The following USP39 variants were observed in gnomAD, a reference collection of about 807,000 sequenced individuals.
USP39 encodes the protein ubiquitin specific peptidase 39, also known as ubiquitin carboxyl-terminal hydrolase 39.
Under a neutral mutation model 66.4 loss-of-function variants are expected in USP39, and 38 were observed. The ratio of observed to expected loss-of-function variants is 0.57; its 90% CI spans 0.44 to 0.75. The LOEUF (loss-of-function observed/expected upper bound fraction) is 0.75. Ranked by LOEUF, USP39 falls within the 30% of genes least tolerant of loss-of-function variation. The pLI is 0.00. For missense variants in USP39, 608 were observed against 714.4 expected, an observed-to-expected ratio of 0.85 and a Z score of 1.70; for synonymous variants, 303 against 274.6, an observed-to-expected ratio of 1.10 and a Z score of -1.02.
intron 6 of USP39, among the ~76,000 whole-genome samples, chr2:85,634,927 C>G (rs1293295710): frequency 6.6e-6 from 1 of 152,130 alleles, no homozygotes; most frequent in Admixed American, 6.6e-5. Flanking sequence ...GCAGAAAAAC[C>G]AGGGTACCCT....
At chr2:85,624,563 T>G (rs1674706962) in intron 4 of USP39, among the ~76,000 whole-genome samples, 2 of 152,220 alleles carry the variant, frequency 1.3e-5, no homozygotes, top group Non-Finnish European at 2.9e-5. Context: ...CCTAAGTTGT[T>G]CATGCTCTGT....
chr2:85,643,493 C>CA (rs1365636402), intron 10 of USP39, among the ~76,000 whole-genome samples: 115 of 128,916 alleles, frequency 8.9e-4, no homozygotes, highest in Admixed American at 1.9e-3. Context: ...GACTCTGTCT[C>CA]AAAAAAAAAA....
chr2:85,611,944 T>G, upstream of USP39: 1 of 1,581,646 alleles, frequency 6.3e-7, no homozygotes, highest in Non-Finnish European at 8.5e-7. Flanking sequence ...CCCCCCAGGC[T>G]TGCAGCAGTG....
intron 10 of USP39, among the ~76,000 whole-genome samples, chr2:85,642,695 G>A (rs142076947): frequency 6.4e-4 from 98 of 152,240 alleles, no homozygotes; most frequent in Middle Eastern, 3.4e-3. Context: ...TAATTACTTC[G>A]AGTAATACAA....
chr2:85,621,631 T>C, intron 3 of USP39, 52 bp downstream of exon 3: 1 of 1,457,162 alleles, frequency 6.9e-7, no homozygotes, highest in South Asian at 1.2e-5. Flanking sequence ...GGACTTTTTT[T>C]TTTTTTTTAA....
chr2:85,627,133 G>A (rs1313587565), intron 5 of USP39, among the ~76,000 whole-genome samples: 1 of 151,692 alleles, frequency 6.6e-6, no homozygotes, highest in Non-Finnish European at 1.5e-5. Flanking sequence ...GAGGGAGTCT[G>A]TCACCCAGGC....
intron 4 of USP39, 100 bp downstream of exon 4, chr2:85,623,882 C>A: frequency 7.5e-7 from 1 of 1,338,176 alleles, no homozygotes; most frequent in South Asian, 1.5e-5. Context: ...GAATCTCAGT[C>A]CCTTTAGGCA....
chr2:85,612,227 G>A, upstream of USP39: 1 of 1,274,242 alleles, frequency 7.8e-7, no homozygotes, highest in Non-Finnish European at 1.1e-6. Context: ...GTTTTTTTTT[G>A]TTTGTTTTTT....
At chr2:85,622,151 C>G (rs532526777) in intron 3 of USP39, among the ~76,000 whole-genome samples, 8 of 143,806 alleles carry the variant, frequency 5.6e-5, no homozygotes, top group African/African-American at 2.1e-4. Context: ...GATGGAGTCT[C>G]ACTCTGTCAC....
chr2:85,603,595 CTTT>C (rs767019412), intron 1 of USP39, among the ~76,000 whole-genome samples: 3 of 143,076 alleles, frequency 2.1e-5, no homozygotes, highest in Non-Finnish European at 1.5e-5. Flanking sequence ...TTTTCTTTTT[CTTT>C]TTTTTTTTTT....
chr2:85,618,765 T>A (rs1184902039), intron 1 of USP39, among the ~76,000 whole-genome samples: 1 of 152,036 alleles, frequency 6.6e-6, no homozygotes. Flanking sequence ...ATTAGTGGGC[T>A]TTTTTCTTTT....
At chr2:85,609,921 T>G (rs951245129), upstream of USP39, among the ~76,000 whole-genome samples, 1 of 151,928 alleles carries the variant, frequency 6.6e-6, no homozygotes, top group Non-Finnish European at 1.5e-5. Context: ...CCTCAGGTGA[T>G]CCACCCACCT....
upstream of USP39, chr2:85,611,223 T>G: frequency 7.8e-7 from 1 of 1,279,746 alleles, no homozygotes; most frequent in Non-Finnish European, 9.9e-7. Context: ...ATAAAAACAT[T>G]TTAAAAAAAG....
At chr2:85,643,005 G>A (rs1488162553) in intron 10 of USP39, among the ~76,000 whole-genome samples, 1 of 151,762 alleles carries the variant, frequency 6.6e-6, no homozygotes, top group African/African-American at 2.4e-5. Context: ...GGGAGGCCGA[G>A]GTGGGAGAAT....
At chr2:85,610,213 C>A (rs1314923808), upstream of USP39, 1 of 152,110 alleles carries the variant, frequency 6.6e-6, no homozygotes, top group Non-Finnish European at 1.5e-5. Context: ...TGGGGTTTCA[C>A]CATGTTGTCC....
Position 85,637,239 on chromosome 2 carries a change from G to T in USP39, c.1028-130G>T, listed in dbSNP as rs914735556. ...GTATATAGTACAAAAGGAAACTTCT[G>T]TGTTTAGTGAGAGCTCTGTGTCTTT... On this transcript the variant is annotated intron_variant, in intron 7 of 12. Coordinates refer to ENST00000323701, the MANE Select transcript of USP39 (RefSeq NM_006590.4). 8.0e-6 allele frequency: 7 copies of T among 880,364 alleles called. No individual in the cohort carries two copies. The South Asian group carries it at 9.2e-5, about 12-fold the overall frequency. 54.5% of individuals were successfully genotyped at this position (880,364 alleles called of 1,614,324 possible).
chr2:85,641,627 C>T (rs1025340773), intron 10 of USP39, among the ~76,000 whole-genome samples: 3 of 152,040 alleles, frequency 2.0e-5, no homozygotes, highest in Non-Finnish European at 2.9e-5. Context: ...TTTGGCTGGG[C>T]GTGGTGGCTC....
chr2:85,627,628 TAA>T (rs758659994), intron 5 of USP39, among the ~76,000 whole-genome samples: 12 of 139,104 alleles, frequency 8.6e-5, no homozygotes, highest in East Asian at 2.1e-4. Context: ...TGTCTCTATT[TAA>T]AAAAAAAAAA....
At chr2:85,609,364 G>A (rs1385440313), upstream of USP39, 2 of 1,563,728 alleles carry the variant, frequency 1.3e-6, no homozygotes, top group Non-Finnish European at 1.7e-6. Context: ...GGAAAACAGG[G>A]CTCAGGGTCT....
Sources: gnomAD v4.1 joint callset for allele counts (sites outside exome capture counted in the v4.1 genomes callset) on GRCh38, gnomAD v4.1.1 for gene constraint, MANE v1.5 for transcripts, NCBI Gene and HGNC (gene_info 2026-07-23, HGNC 2026-07-21) for gene names.